VPS50: variants seen among roughly 807,000 people sequenced by gnomAD.
The protein encoded by VPS50 is syndetin.
In VPS50, 70 loss-of-function variants were observed where a neutral mutation model predicts 139.7. The ratio of observed to expected loss-of-function variants is 0.50; its 90% confidence interval spans 0.41 to 0.61. The LOEUF is 0.61. Ranked by LOEUF, VPS50 falls within the 20% of genes least tolerant of loss-of-function variation. The probability of loss-of-function intolerance (pLI) is 0.00; values close to 1 mark genes in which losing one functional copy is unlikely to be tolerated. For missense variants in VPS50, 921 were observed against 1,133.7 expected (o/e 0.81, Z 2.69); for synonymous variants, 365 against 376.7 (o/e 0.97, Z 0.36).
chr7:93,318,712 T>A (rs1013007591), intron 20 of VPS50, among the ~76,000 whole-genome samples: 7 of 152,120 alleles, frequency 4.6e-5, no homozygotes, highest in Non-Finnish European at 1.0e-4. Flanking sequence ...TTTTTAAAAA[T>A]CTTCAATATA....
rs375559424 is a variant in VPS50, at chr7:93,271,111, A to G, written c.660-109A>G. The stretch of plus-strand genomic sequence containing the variant: ...AATTCAGCAGCATGTCTTACGATCT[A>G]TACTCTTAATCTTTGAATTTATGGA... On this transcript the variant is annotated intron_variant, in intron 9 of 27. Transcript: ENST00000305866. The G allele has an allele frequency of 2.5e-5, 36 of 1,445,022 alleles. No individual in the cohort carries two copies. In the East Asian group the frequency reaches 3.0e-4, roughly 12 times the overall value. 89.5% of individuals were successfully genotyped at this position (1,445,022 alleles called of 1,614,324 possible).
At chr7:93,279,797 GA>G (rs1442020130) in intron 12 of VPS50, among the ~76,000 whole-genome samples, 1 of 152,064 alleles carries the variant, frequency 6.6e-6, no homozygotes, top group African/African-American at 2.4e-5. Context: ...AAATAACATT[GA>G]AAATTAAGAT....
intron 12 of VPS50, among the ~76,000 whole-genome samples, chr7:93,291,192 A>G (rs1346933130): frequency 6.6e-6 from 1 of 152,100 alleles, no homozygotes; most frequent in East Asian, 1.9e-4. Context: ...GTTAGAAGTT[A>G]TTTTAAAATG....
At chr7:93,252,856 G>T in intron 3 of VPS50, 81 bp downstream of exon 3, 1 of 1,115,168 alleles carries the variant, frequency 9.0e-7, no homozygotes, top group South Asian at 1.6e-5. Flanking sequence ...ACTTTTTTGA[G>T]GCATTTATGT....
rs555887609 is a variant in VPS50 at position 93,270,435 on chromosome 7, T to C, written c.660-785T>C. On this transcript the variant is annotated intron_variant, in intron 9 of 27. Coordinates refer to ENST00000305866, the MANE Select transcript of VPS50 (RefSeq NM_017667.4). ...CTGACTTCTTTTGCCAAACATATTT[T>C]TGTGGTTCACATAAATTTTAATTGC... Among the ~76,000 whole-genome samples, 15 of 152,220 alleles carry C rather than the reference T, an allele frequency of 9.9e-5. No individual in the cohort carries two copies. In the East Asian group the frequency reaches 2.7e-3, roughly 27 times the overall value.
At chr7:93,308,774 C>G (rs771564017) in intron 18 of VPS50, 50 bp from the exon 19 acceptor site, 1 of 955,608 alleles carries the variant, frequency 1.0e-6, no homozygotes, top group East Asian at 2.4e-5. Flanking sequence ...AGACACCCCA[C>G]GAAAAGAGGC....
At chr7:93,307,198 C>T (rs1797142350) in intron 18 of VPS50, among the ~76,000 whole-genome samples, 1 of 151,854 alleles carries the variant, frequency 6.6e-6, no homozygotes, top group Non-Finnish European at 1.5e-5. Flanking sequence ...CGGGTTACGA[C>T]ATGTTTATCA....
intron 21 of VPS50, among the ~76,000 whole-genome samples, chr7:93,332,883 A>T (rs1182299736): frequency 6.6e-6 from 1 of 152,202 alleles, no homozygotes; most frequent in South Asian, 2.1e-4. Flanking sequence ...ATTATATACT[A>T]TGTGATTCCA....
chr7:93,278,465 C>T lies in VPS50; in HGVS notation c.942+2160C>T, dbSNP rs1018736417. On this transcript the variant is annotated intron_variant, in intron 12 of 27. Coordinates refer to ENST00000305866, the MANE Select transcript of VPS50 (RefSeq NM_017667.4). The stretch of plus-strand genomic sequence containing the variant: ...AAAAAATATTAGCTGGGTGTAGTGG[C>T]GCATGCCTGTAATCCCTGCTACTGG... 1.3e-4 allele frequency among the ~76,000 whole-genome samples: 19 copies of T among 149,814 alleles called. 1 individual carries two copies. The highest frequency in any genetic ancestry group is 9.3e-4 in the Admixed American group (14 of 15,104).
chr7:93,352,505 C>T (rs1798588921), intron 25 of VPS50, among the ~76,000 whole-genome samples: 1 of 152,068 alleles, frequency 6.6e-6, no homozygotes, highest in Non-Finnish European at 1.5e-5. Flanking sequence ...ATTTTTTCTC[C>T]TGTGTATTAT....
chr7:93,254,939 C>G (rs1392069541), intron 4 of VPS50, among the ~76,000 whole-genome samples: 7 of 151,956 alleles, frequency 4.6e-5, no homozygotes, highest in Non-Finnish European at 1.0e-4. Context: ...ACTCAGAAGT[C>G]TCAGTGGGTG....
intron 22 of VPS50, among the ~76,000 whole-genome samples, 195 bp downstream of exon 22, chr7:93,334,392 A>G (rs1305573524): frequency 6.6e-6 from 1 of 152,198 alleles, no homozygotes; most frequent in Non-Finnish European, 1.5e-5. Context: ...AAAGAATATG[A>G]TATTGGGCTT....
At chr7:93,298,546 TTG>T (rs1796879896) in intron 16 of VPS50, among the ~76,000 whole-genome samples, 1 of 152,170 alleles carries the variant, frequency 6.6e-6, no homozygotes, top group Admixed American at 6.6e-5. Flanking sequence ...GGGAGAACTT[TTG>T]GTGTTCCTGG....
intron 9 of VPS50, among the ~76,000 whole-genome samples, chr7:93,266,830 T>C (rs1346407090): frequency 6.6e-6 from 1 of 152,240 alleles, no homozygotes; most frequent in Non-Finnish European, 1.5e-5. Context: ...ATGTCCACTA[T>C]TTAATCACAT....
rs1052126663 is a variant in VPS50, at chr7:93,246,922, C to T, written c.103-5731C>T. Among the ~76,000 whole-genome samples, 5 of 151,962 alleles carry T rather than the reference C, an allele frequency of 3.3e-5. No individual in the cohort carries two copies. The East Asian group carries it at 7.7e-4, about 23-fold the overall frequency. On this transcript the variant is annotated intron_variant, in intron 2 of 27. Coordinates refer to ENST00000305866, the MANE Select transcript of VPS50 (RefSeq NM_017667.4). ...CTCAAATTGTTTTACATAGCTGAATCCCCAATTCCCATAATACCTTTTTTG... is the reference window on the plus strand; with the variant it reads ...CTCAAATTGTTTTACATAGCTGAATTCCCAATTCCCATAATACCTTTTTTG...
chr7:93,342,146 G>A (rs1239471535), intron 23 of VPS50, among the ~76,000 whole-genome samples: 1 of 152,214 alleles, frequency 6.6e-6, no homozygotes, highest in Non-Finnish European at 1.5e-5. Context: ...GAAGCAGGGC[G>A]AGGCATTGCC....
At chr7:93,281,673 A>G (rs1379148390) in intron 12 of VPS50, among the ~76,000 whole-genome samples, 1 of 152,218 alleles carries the variant, frequency 6.6e-6, no homozygotes, top group East Asian at 1.9e-4. Context: ...AATATAAGTT[A>G]TATAAATAGT....
intron 23 of VPS50, among the ~76,000 whole-genome samples, chr7:93,343,493 A>T (rs1383688273): frequency 6.6e-6 from 1 of 152,164 alleles, no homozygotes; most frequent in African/African-American, 2.4e-5. Context: ...TGCCACAAAG[A>T]TACTCCTCGA....
chr7:93,285,437 A>G (rs1372644069), intron 12 of VPS50, among the ~76,000 whole-genome samples: 1 of 152,220 alleles, frequency 6.6e-6, no homozygotes, highest in Non-Finnish European at 1.5e-5. Flanking sequence ...AAAGTAAATT[A>G]TAGAATAAAA....
Sources: allele counts gnomAD v4.1 joint callset (sites outside exome capture counted in the v4.1 genomes callset), GRCh38; gene constraint gnomAD v4.1.1; transcripts MANE v1.5; gene names NCBI Gene and HGNC (gene_info 2026-07-23, HGNC 2026-07-21).